PJA2: variants seen among roughly 807,000 people sequenced by gnomAD.
PJA2 encodes praja ring finger ubiquitin ligase 2, also known as E3 ubiquitin-protein ligase Praja-2.
In PJA2, 25 loss-of-function variants were observed where a neutral mutation model predicts 69.3. The ratio of observed to expected loss-of-function variants is 0.36; its 90% CI spans 0.26 to 0.50. PJA2 has a LOEUF of 0.50. Among genes scored for constraint, PJA2 ranks in the 20% least tolerant of loss-of-function variants. PJA2 has a pLI of 0.96. For missense variants in PJA2, 809 were observed against 830.2 expected (o/e 0.97, Z 0.31); for synonymous variants, 308 against 277.8 (o/e 1.11, Z -1.08).
At chr5:109,368,168 A>T (rs536460517) in intron 5 of PJA2, among the ~76,000 whole-genome samples, 2 of 152,356 alleles carry the variant, frequency 1.3e-5, no homozygotes, top group African/African-American at 4.8e-5. Context: ...CAATTAGACA[A>T]GAATATGAAC....
chr5:109,368,606 C>T lies in PJA2; in HGVS notation c.1424G>A (p.Ser475Asn), dbSNP rs761040775. Reference protein sequence around the residue: ...DENEPELQSDSSGPEEENQEL... With the variant: ...DENEPELQSDNSGPEEENQEL... ...TTGGTTTTCTTCTTCAGGGCCACTG[C>T]TATCACTTTGTAGCTCAGGTTCATT... Residue 475 changes from serine (S) to asparagine (N), a missense_variant, in exon 5 of 10, where the codon AGC becomes AAC. Around this residue, in one of 4 missense-constraint regions of PJA2, gnomAD observed 700 missense variants for 639.5 expected, o/e 1.09. Transcript: ENST00000361189. The T allele has an allele frequency of 6.2e-7, 1 of 1,614,076 alleles. No homozygotes were observed. The highest frequency in any genetic ancestry group is 1.1e-5 in the South Asian group (1 of 91,080).
At chr5:109,354,572 A>G (rs926162395) in intron 7 of PJA2, among the ~76,000 whole-genome samples, 1 of 59,076 alleles carries the variant, frequency 1.7e-5, no homozygotes, top group African/African-American at 7.5e-5. Flanking sequence ...TATCTATAAT[A>G]TCTATAGATA....
chr5:109,349,943 C>G (rs1762222752), intron 7 of PJA2, among the ~76,000 whole-genome samples: 1 of 152,136 alleles, frequency 6.6e-6, no homozygotes, highest in Non-Finnish European at 1.5e-5. Flanking sequence ...AATTATGAAT[C>G]TCCTCCAATT....
chr5:109,391,452 T>C (rs1747279194), intron 1 of PJA2, among the ~76,000 whole-genome samples: 1 of 152,196 alleles, frequency 6.6e-6, no homozygotes, highest in Non-Finnish European at 1.5e-5. Flanking sequence ...TTTTGAAGGA[T>C]ATTCAAATGA....
intron 2 of PJA2, among the ~76,000 whole-genome samples, chr5:109,382,920 AAT>A (rs1747083764): frequency 3.3e-5 from 5 of 152,324 alleles, no homozygotes; most frequent in Admixed American, 3.3e-4. Flanking sequence ...TAAAATAAGA[AAT>A]ATAATCACTT....
intron 1 of PJA2, among the ~76,000 whole-genome samples, chr5:109,386,324 C>T (rs935409315): frequency 3.3e-5 from 5 of 152,040 alleles, no homozygotes; most frequent in Admixed American, 2.6e-4. Context: ...CTATCACTGA[C>T]CACTTAGCAA....
intron 1 of PJA2, among the ~76,000 whole-genome samples, chr5:109,384,041 C>T (rs975462515): frequency 5.9e-5 from 9 of 152,174 alleles, no homozygotes; most frequent in Admixed American, 2.6e-4. Context: ...CTTGATAAAC[C>T]TTGCCTAAGT....
chr5:109,397,669 C>T (rs919091248), intron 1 of PJA2, among the ~76,000 whole-genome samples: 2 of 152,086 alleles, frequency 1.3e-5, no homozygotes, highest in African/African-American at 4.8e-5. Flanking sequence ...CAGGCACCCG[C>T]CACTACGCCC....
At chr5:109,367,246 A>G (rs1348108029) in intron 5 of PJA2, among the ~76,000 whole-genome samples, 1 of 150,658 alleles carries the variant, frequency 6.6e-6, no homozygotes, top group African/African-American at 2.4e-5. Context: ...TGTTGAAACC[A>G]ATTATGTTTG....
chr5:109,408,305 G>A (rs1294949793), intron 1 of PJA2, among the ~76,000 whole-genome samples: 2 of 152,030 alleles, frequency 1.3e-5, no homozygotes, highest in East Asian at 1.9e-4. Context: ...AAATTAGAAA[G>A]TTATTTTCAT....
chr5:109,392,524 G>A (rs562642928), intron 1 of PJA2, among the ~76,000 whole-genome samples: 140 of 138,660 alleles, frequency 1.0e-3, no homozygotes, highest in Non-Finnish European at 1.2e-3. Flanking sequence ...CTGCCCCAAT[G>A]CACTCCAGCC....
intron 1 of PJA2, among the ~76,000 whole-genome samples, chr5:109,396,156 C>T (rs921298003): frequency 1.3e-5 from 2 of 152,096 alleles, no homozygotes; most frequent in Admixed American, 1.3e-4. Context: ...TATACTGAGT[C>T]TACTGCAAAA....
At chr5:109,385,546 T>C (rs1747138815) in intron 1 of PJA2, among the ~76,000 whole-genome samples, 1 of 152,240 alleles carries the variant, frequency 6.6e-6, no homozygotes, top group Admixed American at 6.5e-5. Flanking sequence ...AGATATCTAT[T>C]AGACATTCAA....
At chr5:109,355,108 A>G (rs1762391825) in intron 7 of PJA2, among the ~76,000 whole-genome samples, 1 of 152,166 alleles carries the variant, frequency 6.6e-6, no homozygotes. Flanking sequence ...TGGGTGACAG[A>G]GTGAGATCTC....
At chr5:109,378,017 A>AT (rs1466240191) in intron 4 of PJA2, among the ~76,000 whole-genome samples, 187 bp downstream of exon 4, 2 of 152,178 alleles carry the variant, frequency 1.3e-5, no homozygotes, top group Non-Finnish European at 2.9e-5. Flanking sequence ...CCTCAAAAAC[A>AT]TTTTTTTGTG....
At chr5:109,385,351 A>G (rs1747132839) in intron 1 of PJA2, among the ~76,000 whole-genome samples, 1 of 152,338 alleles carries the variant, frequency 6.6e-6, no homozygotes, top group South Asian at 2.1e-4. Flanking sequence ...TTCTGGACAT[A>G]TTGTAAAAAT....
chr5:109,345,153 A>ACCG (rs1358132215), intron 7 of PJA2, among the ~76,000 whole-genome samples: 5 of 140,086 alleles, frequency 3.6e-5, no homozygotes. Flanking sequence ...AGACAGCCTG[A>ACCG]CCAACATGGT....
At chr5:109,342,917 G>C in intron 9 of PJA2, among the ~76,000 whole-genome samples, 1 of 69,480 alleles carries the variant, frequency 1.4e-5, no homozygotes, top group Admixed American at 1.2e-4. Flanking sequence ...CAGCCGCCCC[G>C]TCCGGGAGGT....
Position 109,344,902 on chromosome 5 carries a change from A to G in PJA2, c.1765-83T>C, listed in dbSNP as rs78146093. On this transcript the variant is annotated intron_variant, in intron 7 of 9. Coordinates refer to ENST00000361189, the MANE Select transcript of PJA2 (RefSeq NM_014819.5). The stretch of plus-strand genomic sequence containing the variant: ...CTATTTTTAGGGTATCTCCAAAATT[A>G]TATCACCATTATTCTCTTTTTGTTA... 1.9e-3 allele frequency: 1,571 copies of G among 821,214 alleles called. 14 individuals carry two copies. The African/African-American group carries it at 0.024, about 12-fold the overall frequency. The allele number at this position is 821,214 out of a possible 1,614,324, so 50.9% of individuals were successfully genotyped here.
Sources: gnomAD v4.1 joint callset for allele counts (sites outside exome capture counted in the v4.1 genomes callset) on GRCh38, gnomAD v4.1.1 for gene constraint, gnomAD v4.1.1 regional missense constraint, MANE v1.5 for transcripts, NCBI Gene and HGNC (gene_info 2026-07-23, HGNC 2026-07-21) for gene names.